PCED1B: variants seen among roughly 807,000 people sequenced by gnomAD.
PCED1B encodes PC-esterase domain containing 1B, also known as PC-esterase domain-containing protein 1B.
For missense variants in PCED1B, 573 were observed against 573.9 expected (o/e 1.00, Z 0.02); for synonymous variants, 251 against 246.1 (o/e 1.02, Z -0.19).
chr12:47,179,016 A>T (rs1942015125), intron 2 of PCED1B, among the ~76,000 whole-genome samples: 1 of 152,250 alleles, frequency 6.6e-6, no homozygotes, highest in Non-Finnish European at 1.5e-5. Flanking sequence ...TATCATTTTT[A>T]ACTTTGAAAA....
rs974952084 is a variant in PCED1B at position 47,096,921 on chromosome 12, T to C, written c.-608-7192T>C. 2.6e-5 allele frequency among the ~76,000 whole-genome samples: 4 copies of C among 152,328 alleles called. No individual in the cohort carries two copies. The South Asian group carries it at 8.3e-4, about 32-fold the overall frequency. On this transcript the variant is annotated intron_variant, in intron 1 of 3. Coordinates refer to ENST00000546455, the MANE Select transcript of PCED1B (RefSeq NM_138371.3). ...AGTAGATATGTAAGACTGTATAAGA[T>C]TGCTTTAGTAGCAAGATCAGGCAGC...
intron 2 of PCED1B, among the ~76,000 whole-genome samples, chr12:47,186,480 G>A (rs1942272490): frequency 6.6e-6 from 1 of 152,052 alleles, no homozygotes; most frequent in Non-Finnish European, 1.5e-5. Flanking sequence ...TAGGGGGGTA[G>A]AGGGGGGCAC....
intron 2 of PCED1B, among the ~76,000 whole-genome samples, chr12:47,148,435 G>T (rs1479153610): frequency 6.6e-6 from 1 of 152,146 alleles, no homozygotes; most frequent in Non-Finnish European, 1.5e-5. Flanking sequence ...TTAGAATTCT[G>T]TTAGAAGAGA....
At chr12:47,192,161 C>CTTTTT (rs145687998) in intron 2 of PCED1B, among the ~76,000 whole-genome samples, 3 of 130,912 alleles carry the variant, frequency 2.3e-5, no homozygotes, top group African/African-American at 2.9e-5. Context: ...GGAGGCTACG[C>CTTTTT]TTTTTTTTTT....
intron 2 of PCED1B, among the ~76,000 whole-genome samples, chr12:47,152,603 T>C (rs1941035784): frequency 6.6e-6 from 1 of 152,192 alleles, no homozygotes; most frequent in African/African-American, 2.4e-5. Context: ...GTTCCACAGA[T>C]TAGGTAATAG....
chr12:47,205,073 TTA>T (rs1565600128), intron 2 of PCED1B, among the ~76,000 whole-genome samples: 3 of 152,312 alleles, frequency 2.0e-5, no homozygotes, highest in South Asian at 4.1e-4. Context: ...TGGAGTTTTA[TTA>T]TTACTCAAAT....
At chr12:47,130,825 T>C (rs1012942193) in intron 2 of PCED1B, among the ~76,000 whole-genome samples, 48 of 152,210 alleles carry the variant, frequency 3.2e-4, no homozygotes, top group African/African-American at 1.1e-3. Flanking sequence ...TTCTTAAGGG[T>C]TAAGATACAT....
chr12:47,175,910 G>C (rs1183724778), intron 2 of PCED1B, among the ~76,000 whole-genome samples: 3 of 147,314 alleles, frequency 2.0e-5, no homozygotes, highest in African/African-American at 7.5e-5. Flanking sequence ...TTTTTTTTTA[G>C]AGACAGGGTG....
At chr12:47,232,871 T>C (rs1289050868) in intron 3 of PCED1B, among the ~76,000 whole-genome samples, 2 of 151,970 alleles carry the variant, frequency 1.3e-5, no homozygotes, top group Non-Finnish European at 2.9e-5. Context: ...TTTATTTATG[T>C]TGTGTGTGTG....
intron 3 of PCED1B, among the ~76,000 whole-genome samples, chr12:47,226,291 C>T (rs1943629053): frequency 6.6e-6 from 1 of 152,218 alleles, no homozygotes; most frequent in African/African-American, 2.4e-5. Flanking sequence ...CCAACAGTCT[C>T]AGGTACTTAA....
chr12:47,181,229 C>A (rs1353987278), intron 2 of PCED1B, among the ~76,000 whole-genome samples: 1 of 152,078 alleles, frequency 6.6e-6, no homozygotes, highest in Non-Finnish European at 1.5e-5. Flanking sequence ...AAGCAATCCT[C>A]CCACCTCAGT....
At chr12:47,136,596 T>C (rs1360710056) in intron 2 of PCED1B, among the ~76,000 whole-genome samples, 1 of 152,232 alleles carries the variant, frequency 6.6e-6, no homozygotes, top group African/African-American at 2.4e-5. Context: ...TCTTTGAAAG[T>C]AGTTCTTCAG....
At chr12:47,195,103 G>A (rs1290729718) in intron 2 of PCED1B, among the ~76,000 whole-genome samples, 1 of 152,082 alleles carries the variant, frequency 6.6e-6, no homozygotes, top group Non-Finnish European at 1.5e-5. Flanking sequence ...GGCGGAGGCG[G>A]GTGGATCATG....
At chr12:47,211,504 A>T (rs79393905) in intron 2 of PCED1B, among the ~76,000 whole-genome samples, 4 of 150,130 alleles carry the variant, frequency 2.7e-5, no homozygotes, top group African/African-American at 4.9e-5. Context: ...AAAAAAAAAA[A>T]GGAGCCAGGT....
rs568804798 is a variant in PCED1B, at chr12:47,083,344, C to T, written c.-609+3619C>T. 4.6e-5 allele frequency among the ~76,000 whole-genome samples: 7 copies of T among 152,024 alleles called. No individual in the cohort carries two copies. The East Asian group carries it at 7.8e-4, about 17-fold the overall frequency. On this transcript the variant is annotated intron_variant, in intron 1 of 3. Transcript: ENST00000546455. The stretch of plus-strand genomic sequence containing the variant: ...GCAGATATCTTGTTGCCTCTTTTTT[C>T]GGCGTGAGGCACACTGGGTGTTCTT...
At chr12:47,165,560 A>G (rs1941519003) in intron 2 of PCED1B, among the ~76,000 whole-genome samples, 1 of 152,232 alleles carries the variant, frequency 6.6e-6, no homozygotes, top group Non-Finnish European at 1.5e-5. Flanking sequence ...AAGAATTCAC[A>G]AGGCTAAAAA....
At chr12:47,123,818 CATTCAA>C (rs1939776255) in intron 2 of PCED1B, among the ~76,000 whole-genome samples, 1 of 152,020 alleles carries the variant, frequency 6.6e-6, no homozygotes, top group South Asian at 2.1e-4. Flanking sequence ...TTCTCTCTTT[CATTCAA>C]ATTTTCGTTG....
At chr12:47,152,246 A>G (rs1362484860) in intron 2 of PCED1B, among the ~76,000 whole-genome samples, 1 of 152,188 alleles carries the variant, frequency 6.6e-6, no homozygotes, top group Admixed American at 6.5e-5. Flanking sequence ...AAAAATCATA[A>G]ATTCCAGGTG....
intron 1 of PCED1B, among the ~76,000 whole-genome samples, chr12:47,088,154 G>A (rs1938077637): frequency 6.6e-6 from 1 of 152,170 alleles, no homozygotes; most frequent in Admixed American, 6.5e-5. Flanking sequence ...GAACTATAAA[G>A]CTGTAAAAGA....
Sources: gnomAD v4.1 joint callset for allele counts (sites outside exome capture counted in the v4.1 genomes callset) on GRCh38, gnomAD v4.1.1 for gene constraint, MANE v1.5 for transcripts, NCBI Gene and HGNC (gene_info 2026-07-23, HGNC 2026-07-21) for gene names.